FOXO3: variants seen among roughly 807,000 people sequenced by gnomAD.
FOXO3 encodes forkhead box O3, also known as forkhead box protein O3.
FOXO3 carries 4 observed loss-of-function variants against 41.9 expected under a neutral mutation model. The observed-to-expected ratio is 0.10, with a 90% CI of 0.05 to 0.22. FOXO3 has a LOEUF of 0.22. Among genes scored for constraint, FOXO3 ranks in the 10% least tolerant of loss-of-function variants. The probability of loss-of-function intolerance (pLI) is 1.00; values close to 1 mark genes in which losing one functional copy is unlikely to be tolerated. For missense variants in FOXO3, 534 were observed against 906.8 expected, an observed-to-expected ratio of 0.59 and a Z score of 5.28; for synonymous variants, 318 against 389.3, an observed-to-expected ratio of 0.82 and a Z score of 2.16.
upstream of FOXO3, chr6:108,560,889 C>A (rs1014160738): frequency 1.4e-4 from 152 of 1,056,210 alleles, no homozygotes; most frequent in Non-Finnish European, 1.8e-4. Context: ...GATTCGCTCG[C>A]GGCTCCATCG....
intron 1 of FOXO3, among the ~76,000 whole-genome samples, chr6:108,634,495 G>A (rs1254433781): frequency 6.6e-6 from 1 of 152,126 alleles, no homozygotes; most frequent in Non-Finnish European, 1.5e-5. Flanking sequence ...CTCTTTGCCT[G>A]TTTGATCCAT....
At chr6:108,592,497 AT>A (rs894305189) in intron 1 of FOXO3, among the ~76,000 whole-genome samples, 7 of 152,158 alleles carry the variant, frequency 4.6e-5, no homozygotes, top group African/African-American at 1.7e-4. Flanking sequence ...TAGCTCCATG[AT>A]TTGAGCAATA....
chr6:108,671,864 G>A (rs1293206738), intron 2 of FOXO3, among the ~76,000 whole-genome samples: 1 of 152,218 alleles, frequency 6.6e-6, no homozygotes, highest in Non-Finnish European at 1.5e-5. Context: ...CATTAAAGGG[G>A]CTGTTAAACG....
At chr6:108,662,566 A>C (rs1778900965) in intron 1 of FOXO3, among the ~76,000 whole-genome samples, 1 of 152,250 alleles carries the variant, frequency 6.6e-6, no homozygotes, top group South Asian at 2.1e-4. Flanking sequence ...GGTAAGGTGT[A>C]AAATCTGGCA....
At chr6:108,619,570 TTCTCAGATGTAAAGTTGA>T (rs1777609809) in intron 1 of FOXO3, among the ~76,000 whole-genome samples, 1 of 152,254 alleles carries the variant, frequency 6.6e-6, no homozygotes, top group Non-Finnish European at 1.5e-5. Flanking sequence ...ATATAGTGTA[TTCTCAGATGTAAAGTTGA>T]TCTCATTTCC....
intron 1 of FOXO3, among the ~76,000 whole-genome samples, chr6:108,587,016 G>C (rs963102522): frequency 6.7e-6 from 1 of 149,950 alleles, no homozygotes; most frequent in Non-Finnish European, 1.5e-5. Flanking sequence ...TTGCTGTGTT[G>C]CCTAGACTGG....
chr6:108,672,794 T>C (rs1489628000), intron 2 of FOXO3, among the ~76,000 whole-genome samples: 2 of 152,162 alleles, frequency 1.3e-5, no homozygotes, highest in Non-Finnish European at 2.9e-5. Context: ...TTCCCTCTTC[T>C]TTTCCTGCTT....
At chr6:108,585,106 A>G (rs1482518746) in intron 1 of FOXO3, among the ~76,000 whole-genome samples, 2 of 128,826 alleles carry the variant, frequency 1.6e-5, no homozygotes, top group South Asian at 2.5e-4. Flanking sequence ...CAATGGCGCA[A>G]TCTCGGCTCA....
chr6:108,589,730 T>G (rs1421578338), intron 1 of FOXO3, among the ~76,000 whole-genome samples: 2 of 152,228 alleles, frequency 1.3e-5, no homozygotes, highest in African/African-American at 4.8e-5. Context: ...AACCAATGCC[T>G]TCTTCAGATC....
At chr6:108,624,331 C>T (rs1186320973) in intron 1 of FOXO3, among the ~76,000 whole-genome samples, 1 of 151,608 alleles carries the variant, frequency 6.6e-6, no homozygotes, top group Non-Finnish European at 1.5e-5. Flanking sequence ...AAAAACCTCT[C>T]AGTTTACTCT....
intron 1 of FOXO3, among the ~76,000 whole-genome samples, chr6:108,573,082 C>T (rs748758564): frequency 3.3e-5 from 5 of 151,908 alleles, no homozygotes; most frequent in African/African-American, 7.3e-5. Flanking sequence ...GTCAGGAGAT[C>T]GAGACCATCC....
In FOXO3 at chr6:108,663,647, G is replaced by A. The variant is rs1353768941; in HGVS notation, c.814G>A (p.Ala272Thr). 7 of 1,613,180 alleles carry A rather than the reference G, an allele frequency of 4.3e-6. No individual in the cohort carries two copies. The East Asian group carries it at 1.3e-4, about 31-fold the overall frequency. Reference sequence around the variant, plus strand: ...CCGTGGCCGCGCAGCCAAGAAGAAGGCAGCCCTGCAGACAGCCCCCGAATC... The same window carrying A: ...CCGTGGCCGCGCAGCCAAGAAGAAGACAGCCCTGCAGACAGCCCCCGAATC... ...KSRGRAAKKK[A>T]ALQTAPESAD... Residue 272 changes from alanine (A) to threonine (T), a missense_variant, in exon 2 of 3, where the codon GCA becomes ACA. Physicochemically the swap from Ala to Thr is moderately conservative, Grantham distance 58. Transcript: ENST00000406360.
In FOXO3 at chr6:108,643,636, T is replaced by C. The variant is rs1044005365; in HGVS notation, c.622-19819T>C. ...AACAATTTCTTCTCTTTTGGTCAAC[T>C]TTTCCTTTTTGACCAGAATGTAAGA... On this transcript the variant is annotated intron_variant, in intron 1 of 2. Transcript: ENST00000406360. Among the ~76,000 whole-genome samples, 3 of 152,202 alleles carry C rather than the reference T, an allele frequency of 2.0e-5. No homozygotes were observed. In the South Asian group the frequency reaches 6.2e-4, roughly 31 times the overall value.
intron 1 of FOXO3, among the ~76,000 whole-genome samples, chr6:108,657,422 A>G (rs887920059): frequency 6.6e-6 from 1 of 152,178 alleles, no homozygotes; most frequent in African/African-American, 2.4e-5. Context: ...AACTGTGACA[A>G]TTGCCTGAGC....
intron 1 of FOXO3, among the ~76,000 whole-genome samples, chr6:108,572,739 ATAG>A (rs1160263339): frequency 6.6e-6 from 1 of 152,222 alleles, no homozygotes. Context: ...AATGACAATA[ATAG>A]TAGCTGTGAT....
chr6:108,574,303 G>A lies in FOXO3; in HGVS notation c.621+12474G>A, dbSNP rs147800464. 9.1e-3 allele frequency among the ~76,000 whole-genome samples: 1,385 copies of A among 152,234 alleles called. 91 individuals are homozygous for A. The highest frequency in any genetic ancestry group is 0.08 in the Admixed American group (1,223 of 15,276). On this transcript the variant is annotated intron_variant, in intron 1 of 2. Coordinates refer to ENST00000406360, the MANE Select transcript of FOXO3 (RefSeq NM_001455.4). ...GCCAGGTGTGACCATGGTTTACTAT[G>A]GGTCAGAGGCACAGTGTATTATTTA...
At chr6:108,578,307 A>G (rs139589867) in intron 1 of FOXO3, among the ~76,000 whole-genome samples, 1 of 152,216 alleles carries the variant, frequency 6.6e-6, no homozygotes, top group Non-Finnish European at 1.5e-5. Context: ...TTTTAAAGTC[A>G]TTTGCTAAGT....
chr6:108,562,356 CCTACAGGCA>C (rs1462145264), intron 1 of FOXO3, among the ~76,000 whole-genome samples: 1 of 152,048 alleles, frequency 6.6e-6, no homozygotes, highest in African/African-American at 2.4e-5. Context: ...GGTGTTAACA[CCTACAGGCA>C]CATCGATCCG....
intron 1 of FOXO3, among the ~76,000 whole-genome samples, chr6:108,634,824 G>A (rs1582799787): frequency 1.3e-5 from 2 of 152,008 alleles, no homozygotes; most frequent in Non-Finnish European, 2.9e-5. Context: ...ATTTTTTAAA[G>A]TTAAGCAAAA....
Sources: allele counts gnomAD v4.1 joint callset (sites outside exome capture counted in the v4.1 genomes callset), GRCh38; gene constraint gnomAD v4.1.1; transcripts MANE v1.5; gene names NCBI Gene and HGNC (gene_info 2026-07-23, HGNC 2026-07-21).